The following THOC2 variants were observed in gnomAD, a reference collection of about 807,000 sequenced individuals.
THOC2 encodes THO complex 2.
THOC2 carries 10 observed loss-of-function variants against 128.4 expected under a neutral mutation model. The ratio of observed to expected loss-of-function variants is 0.08; its 90% CI spans 0.05 to 0.13. The LOEUF (loss-of-function observed/expected upper bound fraction) is 0.13. THOC2 is among the 10% of genes least tolerant of loss of function. The pLI is 1.00. For missense variants in THOC2, 535 were observed against 1,155.7 expected (o/e 0.46, Z 7.79); for synonymous variants, 393 against 396.9 (o/e 0.99, Z 0.12).
rs759183157 is a variant in THOC2 at position 123,652,267 on chromosome X, C to T, written c.1387-6892G>A. 6.3e-5 allele frequency among the ~76,000 whole-genome samples: 7 copies of T among 111,423 alleles called. 1 individual carries two copies. Among genetic ancestry groups the T allele is most frequent in the Admixed American group, 3.8e-4 (4 of 10,479 alleles). On this transcript the variant is annotated intron_variant, in intron 12 of 38. Transcript: ENST00000245838. ...TAAAAACTCTCAATAAACTAGGTAT[C>T]GATGGAACATATCTCAAAATAATAA...
At chrX:123,636,543 C>G (rs1275100751) in intron 18 of THOC2, among the ~76,000 whole-genome samples, 1 of 110,773 alleles carries the variant, frequency 9.0e-6, no homozygotes, top group Non-Finnish European at 1.9e-5. Context: ...TAAGTTATAA[C>G]AAAATCTTGC....
chrX:123,609,120 T>A (rs1421593109), intron 38 of THOC2, among the ~76,000 whole-genome samples: 1 of 111,861 alleles, frequency 8.9e-6, no homozygotes, highest in African/African-American at 3.3e-5. Context: ...TCATTCCTCA[T>A]GAAGATATGA....
At chrX:123,638,727 T>TACAC (rs753366301) in intron 17 of THOC2, among the ~76,000 whole-genome samples, 103 of 81,398 alleles carry the variant, frequency 1.3e-3, no homozygotes, top group African/African-American at 3.7e-3. Flanking sequence ...GACACACACG[T>TACAC]ACACACACAC....
At chrX:123,644,545 G>T (rs1414314775) in intron 15 of THOC2, 30 bp downstream of exon 15, 1 of 1,011,687 alleles carries the variant, frequency 9.9e-7, no homozygotes, top group Non-Finnish European at 1.3e-6. Context: ...ATATAATTTA[G>T]ATTAATATGA....
intron 18 of THOC2, among the ~76,000 whole-genome samples, chrX:123,636,812 AACTATTTGCTAAGC>A: frequency 8.9e-6 from 1 of 111,882 alleles, no homozygotes; most frequent in Middle Eastern, 4.6e-3. Context: ...CCTATTCCAC[AACTATTTGCTAAGC>A]ACCTAAATGA....
chrX:123,632,694 T>A (rs1469421578), intron 21 of THOC2, among the ~76,000 whole-genome samples, 167 bp downstream of exon 21: 1 of 110,983 alleles, frequency 9.0e-6, no homozygotes, highest in Non-Finnish European at 1.9e-5. Context: ...ATCTCTTATA[T>A]ATCACAATTT....
At chrX:123,608,540 A>G (rs1306303036) in intron 38 of THOC2, among the ~76,000 whole-genome samples, 2 of 111,361 alleles carry the variant, frequency 1.8e-5, no homozygotes, top group African/African-American at 6.5e-5. Context: ...CCTGGCCAAC[A>G]TGGTGAAACC....
At chrX:123,671,619 C>T in intron 9 of THOC2, 50 bp downstream of exon 9, 2 of 858,433 alleles carry the variant, frequency 2.3e-6, no homozygotes, top group South Asian at 6.0e-5. Context: ...CTCCTCTTCC[C>T]TACCCTTGGG....
rs150296584 is a variant in THOC2, at chrX:123,664,950, C to T, written c.1386+692G>A. The stretch of plus-strand genomic sequence containing the variant: ...ACATAGCAGCAATGATTGAAAACTA[C>T]ACTCAAGAAAATGACTAGAAGGAAA... On this transcript the variant is annotated intron_variant, in intron 12 of 38. Transcript: ENST00000245838. Among the ~76,000 whole-genome samples the T allele has an allele frequency of 5.7e-3, 640 of 111,941 alleles. 4 individuals are homozygous for T. The highest frequency in any genetic ancestry group is 0.019 in the Middle Eastern group (4 of 216).
At chrX:123,601,628 T>C (rs1481643666) in intron 38 of THOC2, 1 of 109,743 alleles carries the variant, frequency 9.1e-6, no homozygotes, top group East Asian at 2.8e-4. Context: ...CAGAAAAGGA[T>C]GAAATATTTG....
At chrX:123,681,893 C>T (rs1351612440) in intron 8 of THOC2, among the ~76,000 whole-genome samples, 8 of 111,824 alleles carry the variant, frequency 7.2e-5, no homozygotes, top group African/African-American at 2.3e-4. Context: ...AACCCCACCT[C>T]TACTAAAAAT....
At chrX:123,612,804 T>A (rs551624639) in intron 36 of THOC2, among the ~76,000 whole-genome samples, 1 of 111,987 alleles carries the variant, frequency 8.9e-6, no homozygotes, top group South Asian at 3.7e-4. Context: ...GGCATATATT[T>A]TCAATATATA....
At chrX:123,641,705 G>C (rs1489119373) in intron 15 of THOC2, among the ~76,000 whole-genome samples, 7 of 110,836 alleles carry the variant, frequency 6.3e-5, no homozygotes, top group Non-Finnish European at 1.3e-4. Context: ...ACCCTGGAGG[G>C]ACAAACAAAC....
intron 38 of THOC2, among the ~76,000 whole-genome samples, chrX:123,609,415 A>G (rs2046614042): frequency 8.9e-6 from 1 of 112,278 alleles, no homozygotes; most frequent in African/African-American, 3.2e-5. Context: ...CACACCATTC[A>G]TCATGTGTTG....
At chrX:123,647,530 C>T (rs2048174663) in intron 12 of THOC2, among the ~76,000 whole-genome samples, 1 of 111,069 alleles carries the variant, frequency 9.0e-6, no homozygotes, top group African/African-American at 3.3e-5. Context: ...ACAGGCACCT[C>T]TTGAAGATCA....
chrX:123,703,725 C>CAAA (rs761049104), intron 3 of THOC2, among the ~76,000 whole-genome samples: 4 of 29,783 alleles, frequency 1.3e-4, no homozygotes, highest in South Asian at 2.8e-3. Context: ...CCATCTCTAC[C>CAAA]AAAAAAAAAA....
Position 123,626,561 on chromosome X carries a change from T to C in THOC2, c.2859A>G (p.Leu953=). ...KKQMEHVQRV[L]QRLKLEKDNW... is the part of the protein sequence containing the mutation. ...TGTCCTTTTCCAGTTTCAATCTCTG[T>C]AGAACTCTCTGTACATGTTCCATCT... The change falls in exon 24 of 39, where the codon CTA becomes CTG. Residue 953 remains leucine, a synonymous_variant. Coordinates refer to ENST00000245838, the MANE Select transcript of THOC2 (RefSeq NM_001081550.2). The C allele has an allele frequency of 5.8e-6, 7 of 1,202,347 alleles. No homozygotes were observed. The highest frequency in any genetic ancestry group is 7.8e-6 in the Non-Finnish European group (7 of 892,520).
At position 123,696,759 on chromosome X, in the gene THOC2, T is replaced by C; in HGVS notation, c.429A>G (p.Gln143=). The part of the protein sequence containing the change: ...ESLGLIKQSQ[Q]FNQKSVKIKT... ...TGATTTTAACTGACTTTTGATTGAATTGCTGTGATTGTTTGATAAGCCCTA... is the reference window on the plus strand; with the variant it reads ...TGATTTTAACTGACTTTTGATTGAACTGCTGTGATTGTTTGATAAGCCCTA... The change falls in exon 6 of 39, where the codon CAA becomes CAG. Residue 143 remains glutamine, a synonymous_variant. Coordinates refer to ENST00000245838, the MANE Select transcript of THOC2 (RefSeq NM_001081550.2). 2 of 1,205,268 alleles carry C rather than the reference T, an allele frequency of 1.7e-6. No homozygotes were observed. Among genetic ancestry groups the C allele is most frequent in the African/African-American group, 1.7e-5 (1 of 57,709 alleles).
At chrX:123,695,601 T>C in intron 7 of THOC2, among the ~76,000 whole-genome samples, 1 of 112,128 alleles carries the variant, frequency 8.9e-6, no homozygotes, top group Middle Eastern at 4.6e-3. Flanking sequence ...TTTACTGTAT[T>C]AAAGTTTTCA....
Sources: allele counts gnomAD v4.1 joint callset (sites outside exome capture counted in the v4.1 genomes callset), GRCh38; gene constraint gnomAD v4.1.1; transcripts MANE v1.5; gene names NCBI Gene and HGNC (gene_info 2026-07-23, HGNC 2026-07-21).